Variants in MBNL2 observed in about 807,000 individuals in gnomAD.
MBNL2 encodes muscleblind-like protein 2.
A neutral mutation model predicts 41.9 loss-of-function variants in MBNL2; 17 were observed. The ratio of observed to expected loss-of-function variants is 0.41; its 90% CI spans 0.28 to 0.61. The LOEUF (loss-of-function observed/expected upper bound fraction) is 0.61. MBNL2 is among the 20% of genes least tolerant of loss of function. The probability of loss-of-function intolerance (pLI) is 0.35; values close to 1 mark genes in which losing one functional copy is unlikely to be tolerated. For missense variants in MBNL2, 336 were observed against 505.6 expected, an observed-to-expected ratio of 0.66 and a Z score of 3.22; for synonymous variants, 195 against 182.9, an observed-to-expected ratio of 1.07 and a Z score of -0.53.
chr13:97,370,623 C>T (rs1415765403), intron 8 of MBNL2, among the ~76,000 whole-genome samples: 2 of 150,318 alleles, frequency 1.3e-5, no homozygotes, highest in African/African-American at 2.5e-5. Context: ...GAGCTGAGAT[C>T]GCGCAATTGT....
Position 97,275,974 on chromosome 13 carries a change from G to A in MBNL2, c.-262G>A, listed in dbSNP as rs1032764118. On this transcript the variant is annotated 5_prime_UTR_variant, in exon 2 of 9. Transcript: ENST00000679496. ...TATCTGCAAAACAGTCAAGAGACTC[G>A]GACGTTGAAAGCCAGAGATGACACT... The A allele has an allele frequency of 3.1e-5, 11 of 353,118 alleles. No individual in the cohort carries two copies. Among genetic ancestry groups the A allele is most frequent in the African/African-American group, 4.2e-5 (2 of 48,040 alleles). The allele number at this position is 353,118 out of a possible 1,614,324, so 21.9% of individuals were successfully genotyped here.
chr13:97,234,217 C>T (rs1164035289), intron 1 of MBNL2, among the ~76,000 whole-genome samples: 2 of 152,184 alleles, frequency 1.3e-5, no homozygotes, highest in Non-Finnish European at 2.9e-5. Flanking sequence ...ACTCTTCATC[C>T]TTGTTCAGGC....
chr13:97,199,049 A>G, the MBNL2 span, among the ~76,000 whole-genome samples: 1 of 152,016 alleles, frequency 6.6e-6, no homozygotes, highest in African/African-American at 2.4e-5. Context: ...GATTTGCCCC[A>G]CTGACTCTCT....
the MBNL2 span, among the ~76,000 whole-genome samples, chr13:97,203,408 T>A: frequency 1.8e-4 from 28 of 152,286 alleles, no homozygotes; most frequent in African/African-American, 5.8e-4. Flanking sequence ...GCAGCACCAC[T>A]GGCCATCACC....
At position 97,222,522 on chromosome 13, in the gene MBNL2, G is replaced by C. The variant is rs541750591; in HGVS notation, c.-614G>C. On this transcript the variant is annotated 5_prime_UTR_variant, in exon 1 of 9. Transcript: ENST00000679496. Reference sequence around the variant, plus strand: ...ACTGTAAATGGGAAGGACAGGCAGAGCTAAACAAGGTAGGAGAATCGCCCC... The same window carrying C: ...ACTGTAAATGGGAAGGACAGGCAGACCTAAACAAGGTAGGAGAATCGCCCC... 1 of 398,588 alleles carries C rather than the reference G, an allele frequency of 2.5e-6. No individual in the cohort carries two copies. The highest frequency in any genetic ancestry group is 1.3e-4 in the South Asian group (1 of 7,858). 24.7% of individuals were successfully genotyped at this position (398,588 alleles called of 1,614,324 possible).
chr13:97,176,907 A>G, the MBNL2 span, among the ~76,000 whole-genome samples: 1 of 152,200 alleles, frequency 6.6e-6, no homozygotes, highest in Admixed American at 6.5e-5. Context: ...ATATAAACCA[A>G]TAGTCAAGGG....
intron 8 of MBNL2, among the ~76,000 whole-genome samples, chr13:97,390,191 C>T (rs1376649011): frequency 6.6e-6 from 1 of 152,024 alleles, no homozygotes; most frequent in Non-Finnish European, 1.5e-5. Context: ...ACACATCTGT[C>T]TGTTTCAATA....
chr13:97,221,434 C>T (rs2040850673), upstream of MBNL2: 1 of 152,156 alleles, frequency 6.6e-6, no homozygotes, highest in South Asian at 2.1e-4. Context: ...TGCTTTATCT[C>T]AGGAAACTCC....
intron 1 of MBNL2, among the ~76,000 whole-genome samples, chr13:97,269,736 GGTGTGA>G (rs2050543007): frequency 6.6e-6 from 1 of 152,060 alleles, no homozygotes; most frequent in Non-Finnish European, 1.5e-5. Flanking sequence ...AAATAAAGGC[GGTGTGA>G]GAAGTGAAGC....
chr13:97,308,625 C>T (rs561408273), intron 2 of MBNL2, among the ~76,000 whole-genome samples: 1 of 152,338 alleles, frequency 6.6e-6, no homozygotes, highest in South Asian at 2.1e-4. Flanking sequence ...TACTAACCTA[C>T]ATCATGTGTG....
chr13:97,339,221 GT>G (rs2061201906), intron 3 of MBNL2, among the ~76,000 whole-genome samples: 1 of 129,432 alleles, frequency 7.7e-6, no homozygotes, highest in African/African-American at 3.6e-5. Flanking sequence ...GTGTATGGGA[GT>G]GTGTTGTGAA....
At chr13:97,383,679 T>G (rs1485914115) in intron 8 of MBNL2, among the ~76,000 whole-genome samples, 1 of 152,160 alleles carries the variant, frequency 6.6e-6, no homozygotes, top group Non-Finnish European at 1.5e-5. Flanking sequence ...ACAACCTCAG[T>G]GTGCTCTTCT....
At chr13:97,266,288 A>G (rs2049784142) in intron 1 of MBNL2, among the ~76,000 whole-genome samples, 1 of 152,192 alleles carries the variant, frequency 6.6e-6, no homozygotes, top group Non-Finnish European at 1.5e-5. Context: ...AACAAAACCA[A>G]TTTAAAGGTA....
At chr13:97,363,418 CTGTGTGTGTGTGTGT>C (rs1246921834) in intron 7 of MBNL2, among the ~76,000 whole-genome samples, 1 of 136,646 alleles carries the variant, frequency 7.3e-6, no homozygotes, top group African/African-American at 2.8e-5. Context: ...GAAAGAAAAA[CTGTGTGTGTGTGTGT>C]GTGTGTGTGT....
At chr13:97,265,937 T>C (rs555206142) in intron 1 of MBNL2, among the ~76,000 whole-genome samples, 3 of 152,132 alleles carry the variant, frequency 2.0e-5, no homozygotes, top group African/African-American at 7.2e-5. Context: ...AGGCACCATT[T>C]TATTTATATT....
chr13:97,367,885 G>A (rs187649555), intron 8 of MBNL2, among the ~76,000 whole-genome samples: 1 of 152,288 alleles, frequency 6.6e-6, no homozygotes, highest in Admixed American at 6.5e-5. Context: ...AACAGGCAAG[G>A]ATTAGTTCCT....
chr13:97,147,834 G>A, the MBNL2 span, among the ~76,000 whole-genome samples: 1 of 152,190 alleles, frequency 6.6e-6, no homozygotes, highest in African/African-American at 2.4e-5. Context: ...TTGCAAATAA[G>A]GAGGTAAGAA....
In MBNL2 at chr13:97,292,508, C is replaced by T. The variant is rs1356223895; in HGVS notation, c.174+16099C>T. Among the ~76,000 whole-genome samples, 6 of 152,180 alleles carry T rather than the reference C, an allele frequency of 3.9e-5. No homozygotes were observed. In the East Asian group the frequency reaches 1.2e-3, roughly 29 times the overall value. ...TTCGTCTTGAGATTGGCTCCAGTCT[C>T]CTTAACTTTTTCTTTGCCATTTTAA... On this transcript the variant is annotated intron_variant, in intron 2 of 8. Coordinates refer to ENST00000679496, the MANE Select transcript of MBNL2 (RefSeq NM_001382683.1).
At chr13:97,312,303 C>T (rs1291192802) in intron 2 of MBNL2, among the ~76,000 whole-genome samples, 3 of 152,182 alleles carry the variant, frequency 2.0e-5, no homozygotes, top group Admixed American at 6.5e-5. Flanking sequence ...ATCCAATATC[C>T]TCTCATGATT....
Sources: allele counts gnomAD v4.1 joint callset (sites outside exome capture counted in the v4.1 genomes callset), GRCh38; gene constraint gnomAD v4.1.1; transcripts MANE v1.5; gene names NCBI Gene and HGNC (gene_info 2026-07-23, HGNC 2026-07-21).